Variants in OCA2 observed in about 807,000 individuals in gnomAD.
The protein encoded by OCA2 is P protein.
In OCA2, 77 loss-of-function variants were observed where a neutral mutation model predicts 100.2. The ratio of observed to expected loss-of-function variants is 0.77; its 90% CI spans 0.64 to 0.93. The LOEUF (loss-of-function observed/expected upper bound fraction) is 0.93, where lower values mean the gene tolerates loss of function less well. Ranked by LOEUF, OCA2 falls within the 40% of genes least tolerant of loss-of-function variation. The pLI is 0.00. For synonymous variants in OCA2, 432 were observed against 439.2 expected, an observed-to-expected ratio of 0.98 and a Z score of 0.21; for missense variants, 1,062 against 1,089.1, an observed-to-expected ratio of 0.98 and a Z score of 0.35.
chr15:27,793,472 T>C (rs2033181078), intron 23 of OCA2, among the ~76,000 whole-genome samples: 1 of 151,994 alleles, frequency 6.6e-6, no homozygotes, highest in Non-Finnish European at 1.5e-5. Flanking sequence ...GATTTCAGGA[T>C]TTGGTTTTAA....
At chr15:27,983,565 C>A in intron 13 of OCA2, 82 bp from the exon 14 acceptor site, 1 of 1,507,470 alleles carries the variant, frequency 6.6e-7, no homozygotes, top group South Asian at 1.1e-5. Flanking sequence ...ATTTTTAAGG[C>A]GCTTGCTCGT....
the OCA2 span, among the ~76,000 whole-genome samples, chr15:27,743,754 C>T: frequency 3.3e-5 from 5 of 152,338 alleles, no homozygotes; most frequent in Non-Finnish European, 5.9e-5. Context: ...AGATAGCACA[C>T]GGCAAATGCA....
At chr15:28,098,023 G>T (rs2045018417) in intron 1 of OCA2, among the ~76,000 whole-genome samples, 1 of 152,186 alleles carries the variant, frequency 6.6e-6, no homozygotes, top group African/African-American at 2.4e-5. Flanking sequence ...GGACAGCCAG[G>T]ACCTCCCCAT....
chr15:27,739,436 CTTTCTTTTTTTTT>C, the OCA2 span, among the ~76,000 whole-genome samples: 1 of 118,938 alleles, frequency 8.4e-6, no homozygotes, highest in Non-Finnish European at 1.7e-5. Context: ...TTAATAATTT[CTTTCTTTTTTTTT>C]TTTTTTTTTT....
chr15:27,827,555 AG>A (rs34923853), intron 23 of OCA2, among the ~76,000 whole-genome samples: 12,606 of 151,916 alleles, frequency 0.083, 1,229 homozygotes, highest in East Asian at 0.53. Context: ...GAGTCATTTA[AG>A]GAAAAAAAAA....
intron 17 of OCA2, among the ~76,000 whole-genome samples, chr15:27,954,421 C>T (rs957228706): frequency 2.0e-5 from 3 of 152,184 alleles, no homozygotes; most frequent in Non-Finnish European, 2.9e-5. Flanking sequence ...TGAGGCACCT[C>T]ATCAGATTGC....
intron 23 of OCA2, among the ~76,000 whole-genome samples, chr15:27,784,323 C>T (rs1032076750): frequency 6.6e-6 from 1 of 152,164 alleles, no homozygotes; most frequent in Non-Finnish European, 1.5e-5. Flanking sequence ...ACCATAGCAA[C>T]AGCAAACCAC....
At chr15:27,758,354 T>C (rs566747938) in intron 23 of OCA2, among the ~76,000 whole-genome samples, 2 of 152,104 alleles carry the variant, frequency 1.3e-5, no homozygotes, top group East Asian at 3.9e-4. Context: ...GGAAAAAAAA[T>C]TAAGCTCCTT....
chr15:27,803,950 C>G (rs1212781831), intron 23 of OCA2, among the ~76,000 whole-genome samples: 1 of 152,150 alleles, frequency 6.6e-6, no homozygotes, highest in Non-Finnish European at 1.5e-5. Context: ...ACCATTTCAT[C>G]CACTCATTCC....
In OCA2 at chr15:28,044,427, C is replaced by T. The variant is rs188276456; in HGVS notation, c.228-12264G>A. Reference sequence around the variant, plus strand: ...TTATCCAGGATGCTTGTCCAGGATGCTTGTCCAGGAGATTCTTGTCCCAGT... The same window carrying T: ...TTATCCAGGATGCTTGTCCAGGATGTTTGTCCAGGAGATTCTTGTCCCAGT... On this transcript the variant is annotated intron_variant, in intron 2 of 23. Coordinates refer to ENST00000354638, the MANE Select transcript of OCA2 (RefSeq NM_000275.3). Among the ~76,000 whole-genome samples, 221 of 152,232 alleles carry T rather than the reference C, an allele frequency of 1.5e-3. 3 individuals are homozygous for T. Among genetic ancestry groups the T allele is most frequent in the Non-Finnish European group, 4.9e-4 (33 of 68,018 alleles).
intron 15 of OCA2, among the ~76,000 whole-genome samples, chr15:27,965,861 G>A (rs1347433510): frequency 6.6e-6 from 1 of 152,218 alleles, no homozygotes; most frequent in Non-Finnish European, 1.5e-5. Context: ...AATGATCTCA[G>A]TAAAACATCT....
chr15:27,722,840 T>TC, the OCA2 span, among the ~76,000 whole-genome samples: 1 of 143,126 alleles, frequency 7.0e-6, no homozygotes, highest in South Asian at 2.3e-4. Flanking sequence ...CTTTCTCTCT[T>TC]TCTCTCTTTC....
At chr15:28,058,154 G>T (rs2043762061) in intron 2 of OCA2, among the ~76,000 whole-genome samples, 1 of 152,196 alleles carries the variant, frequency 6.6e-6, no homozygotes, top group Admixed American at 6.5e-5. Context: ...ATAATGAAAT[G>T]AGAGACTTTG....
At chr15:27,883,878 A>AT (rs1327489599) in intron 19 of OCA2, among the ~76,000 whole-genome samples, 2 of 152,126 alleles carry the variant, frequency 1.3e-5, no homozygotes, top group Non-Finnish European at 1.5e-5. Context: ...GAAAAATCTG[A>AT]TTTTTTTGAA....
intron 23 of OCA2, among the ~76,000 whole-genome samples, chr15:27,810,851 T>A (rs1448191740): frequency 2.6e-5 from 4 of 152,082 alleles, no homozygotes; most frequent in Non-Finnish European, 5.9e-5. Context: ...AAATGGCCAT[T>A]ATCAAAAAGT....
At chr15:28,057,736 C>T (rs2043746099) in intron 2 of OCA2, among the ~76,000 whole-genome samples, 1 of 152,368 alleles carries the variant, frequency 6.6e-6, no homozygotes, top group African/African-American at 2.4e-5. Flanking sequence ...CTCCTGGGCA[C>T]AAGCCCTCTG....
At chr15:27,967,818 C>T (rs1023940944) in intron 14 of OCA2, among the ~76,000 whole-genome samples, 5 of 152,238 alleles carry the variant, frequency 3.3e-5, no homozygotes, top group Non-Finnish European at 7.3e-5. Flanking sequence ...AATAAGTCAG[C>T]GGCGTCATTG....
Position 28,022,520 on chromosome 15 carries a change from T to C in OCA2, c.627A>G (p.Leu209=). The change falls in exon 6 of 24, where the codon TTA becomes TTG. Residue 209 remains leucine, a synonymous_variant. Transcript: ENST00000354638. ...GGATACAGTAGTTCTCCAGCGGTGA[T>C]AAGGCCAACAGCTGCCAGAGCTTTC... is the stretch of plus-strand genomic sequence containing the variant. ...DQGKLWQLLA[L]SPLENYSVNL... 6.2e-7 allele frequency: 1 copy of C among 1,613,626 alleles called. No homozygotes were observed. Among genetic ancestry groups the C allele is most frequent in the East Asian group, 2.2e-5 (1 of 44,874 alleles).
intron 19 of OCA2, among the ~76,000 whole-genome samples, chr15:27,902,891 C>G (rs1285302235): frequency 6.6e-6 from 1 of 152,244 alleles, no homozygotes; most frequent in East Asian, 1.9e-4. Flanking sequence ...CGCTGACGCA[C>G]ACGCGCGTCC....
Sources: gnomAD v4.1 joint callset for allele counts (sites outside exome capture counted in the v4.1 genomes callset) on GRCh38, gnomAD v4.1.1 for gene constraint, MANE v1.5 for transcripts, NCBI Gene and HGNC (gene_info 2026-07-23, HGNC 2026-07-21) for gene names.